TPRX1: variants seen among roughly 807,000 people sequenced by gnomAD.
TPRX1 encodes tetra-peptide repeat homeobox protein 1.
Under a neutral mutation model 8.1 loss-of-function variants are expected in TPRX1, and 2 were observed. The ratio of observed to expected loss-of-function variants is 0.25; its 90% CI spans 0.10 to 0.78. The LOEUF (loss-of-function observed/expected upper bound fraction) is 0.78. TPRX1 is among the 30% of genes least tolerant of loss of function. The probability of loss-of-function intolerance (pLI) is 0.70; values close to 1 mark genes in which losing one functional copy is unlikely to be tolerated. For synonymous variants in TPRX1, 257 were observed against 254.1 expected (o/e 1.01, Z -0.11); for missense variants, 517 against 586.9 (o/e 0.88, Z 1.23).
At chr19:47,809,103 T>G (rs548665873) in intron 2 of TPRX1, among the ~76,000 whole-genome samples, 1 of 152,122 alleles carries the variant, frequency 6.6e-6, no homozygotes. Context: ...CAAATCCCCA[T>G]GTCTGTAATA....
chr19:47,805,608 A>T (rs370712239), intron 2 of TPRX1, among the ~76,000 whole-genome samples: 1 of 152,140 alleles, frequency 6.6e-6, no homozygotes, highest in African/African-American at 2.4e-5. Context: ...AAACGTAGAC[A>T]TTGTTACCAC....
rs769186501 is a variant in TPRX1 at position 47,804,569 on chromosome 19, G to A, written c.152-896C>T. Among the ~76,000 whole-genome samples, 1 of 152,202 alleles carries A rather than the reference G, an allele frequency of 6.6e-6. No individual in the cohort carries two copies. The highest frequency in any genetic ancestry group is 1.5e-5 in the Non-Finnish European group (1 of 68,036). On this transcript the variant is annotated intron_variant, in intron 2 of 3. Coordinates refer to ENST00000535759, the Ensembl canonical transcript of TPRX1. ...AGTCCTGATCTGTTCCCAAACACAAGTGTGTACTGACAAGGGCTTGGCTCT... is the reference window on the plus strand; with the variant it reads ...AGTCCTGATCTGTTCCCAAACACAAATGTGTACTGACAAGGGCTTGGCTCT...
chr19:47,815,114 TTATATA>T lies in TPRX1; in HGVS notation c.151+3348_151+3353del, dbSNP rs548380113. On this transcript the variant is annotated intron_variant, in intron 2 of 3. Coordinates refer to ENST00000535759, the Ensembl canonical transcript of TPRX1. ...GTGCTTAGCTCAATAAATAGATAAA[TTATATA>T]TATATATATATATATATATATATGC... Among the ~76,000 whole-genome samples the T allele has an allele frequency of 1.8e-3, 113 of 63,354 alleles. 3 individuals are homozygous for T. The highest frequency in any genetic ancestry group is 2.6e-3 in the African/African-American group (38 of 14,568). The allele number at this position is 63,354 out of a possible 152,430, so 41.6% of individuals were successfully genotyped here.
intron 2 of TPRX1, among the ~76,000 whole-genome samples, chr19:47,805,075 C>T (rs1160839944): frequency 6.6e-6 from 1 of 152,218 alleles, no homozygotes; most frequent in Non-Finnish European, 1.5e-5. Context: ...CCCTACTATC[C>T]ATTCCAAAAA....
intron 3 of TPRX1, 135 bp from the exon 3 acceptor site, chr19:47,803,115 G>A: frequency 2.9e-6 from 3 of 1,038,160 alleles, no homozygotes; most frequent in Middle Eastern, 3.3e-4. Flanking sequence ...ACCAAAAGAG[G>A]GCCCCGGCTC....
chr19:47,802,297 C>A (rs371001974), exon 4 of TPRX1: 11 of 1,267,970 alleles, frequency 8.7e-6, no homozygotes, highest in Middle Eastern at 2.1e-4. Context: ...GGCCTGGGAT[C>A]GGGCCTGGGT....
At position 47,802,669 on chromosome 19, in the gene TPRX1, A is replaced by T. The variant is rs373664219; in HGVS notation, c.633T>A (p.Pro211=). Residue 211 remains proline, a synonymous_variant, in exon 4 of 4, where the codon CCT becomes CCA. Coordinates refer to ENST00000535759, the Ensembl canonical transcript of TPRX1. ...CTGGAATTGGGCCTGGAATTGAGCC[A>T]GGGAGTGGGCCTGGGATCTGGGCTG... is the stretch of plus-strand genomic sequence containing the variant. The T allele has an allele frequency of 1.4e-4, 219 of 1,529,010 alleles. 1 individual carries two copies. In the African/African-American group the frequency reaches 2.3e-3, roughly 16 times the overall value. 94.7% of individuals were successfully genotyped at this position (1,529,010 alleles called of 1,614,324 possible).
intron 2 of TPRX1, among the ~76,000 whole-genome samples, chr19:47,804,761 G>A (rs1967719668): frequency 6.6e-6 from 1 of 152,218 alleles, no homozygotes; most frequent in Non-Finnish European, 1.5e-5. Context: ...GAACCTCAGT[G>A]GACAACACAG....
intron 3 of TPRX1, among the ~76,000 whole-genome samples, chr19:47,803,215 G>T (rs1274078657): frequency 2.0e-5 from 3 of 150,986 alleles, no homozygotes; most frequent in Non-Finnish European, 4.4e-5. Flanking sequence ...CCGCCCAGGT[G>T]CCCGGGGGGC....
chr19:47,802,527 G>C, exon 4 of TPRX1: 3 of 1,550,382 alleles, frequency 1.9e-6, no homozygotes, highest in Non-Finnish European at 2.6e-6. Flanking sequence ...CCTGGGATCG[G>C]GGCTGGGCCT....
At chr19:47,806,447 G>A (rs981450039) in intron 2 of TPRX1, among the ~76,000 whole-genome samples, 1 of 152,104 alleles carries the variant, frequency 6.6e-6, no homozygotes, top group Non-Finnish European at 1.5e-5. Flanking sequence ...TTGAACCCGG[G>A]AGGCAGAGGT....
chr19:47,812,548 A>G (rs1967793257), intron 2 of TPRX1, among the ~76,000 whole-genome samples: 1 of 151,858 alleles, frequency 6.6e-6, no homozygotes, highest in Non-Finnish European at 1.5e-5. Flanking sequence ...GGCCTGGCCA[A>G]TATGGTGAAA....
At chr19:47,810,993 GT>G (rs71334234) in intron 2 of TPRX1, among the ~76,000 whole-genome samples, 127 of 137,522 alleles carry the variant, frequency 9.2e-4, no homozygotes, top group Middle Eastern at 3.7e-3. Context: ...CTTGCTCTCT[GT>G]TTTTTTTTTT....
intron 2 of TPRX1, among the ~76,000 whole-genome samples, chr19:47,812,226 C>A (rs914836038): frequency 5.3e-5 from 8 of 152,068 alleles, no homozygotes; most frequent in Non-Finnish European, 1.2e-4. Flanking sequence ...CTAGGCACCT[C>A]CAGAGAGTTA....
Position 47,815,155 on chromosome 19 carries a change from TATA to T in TPRX1, c.151+3310_151+3312del, listed in dbSNP as rs1568617434. Among the ~76,000 whole-genome samples the T allele has an allele frequency of 2.8e-3, 245 of 86,772 alleles. 4 individuals are homozygous for T. The highest frequency in any genetic ancestry group is 0.011 in the African/African-American group (220 of 19,992). 56.9% of individuals were successfully genotyped at this position (86,772 alleles called of 152,430 possible). ...ATATATATATATATGCAAATATATA[TATA>T]TATATTTTTTTTTTTTGAGACAGTC... On this transcript the variant is annotated intron_variant, in intron 2 of 3. Coordinates refer to ENST00000535759, the Ensembl canonical transcript of TPRX1.
chr19:47,808,067 C>G (rs1967750464), intron 2 of TPRX1, among the ~76,000 whole-genome samples: 1 of 151,632 alleles, frequency 6.6e-6, no homozygotes, highest in African/African-American at 2.4e-5. Context: ...GTAGGTGGGA[C>G]TACAGGCAAG....
intron 2 of TPRX1, among the ~76,000 whole-genome samples, chr19:47,804,187 T>G (rs949083940): frequency 6.6e-6 from 1 of 150,956 alleles, no homozygotes; most frequent in Non-Finnish European, 1.5e-5. Context: ...CCCGAGTAGC[T>G]GGGACCACAG....
At position 47,811,547 on chromosome 19, in the gene TPRX1, A is replaced by G. The variant is rs538477126; in HGVS notation, c.151+6921T>C. ...AGCGTCTCACTCTGTTGCCCCGGCT[A>G]GAGTACAGTGGCGCGATCTCGGCTC... is the stretch of plus-strand genomic sequence containing the variant. On this transcript the variant is annotated intron_variant, in intron 2 of 3. Transcript: ENST00000535759. Among the ~76,000 whole-genome samples, 8 of 139,888 alleles carry G rather than the reference A, an allele frequency of 5.7e-5. No homozygotes were observed. In the East Asian group the frequency reaches 1.7e-3, roughly 29 times the overall value. The allele number at this position is 139,888 out of a possible 152,430, so 91.8% of individuals were successfully genotyped here. A position where few individuals can be genotyped will look rare whatever the true frequency, so the allele number is the denominator to read the frequency against.
intron 2 of TPRX1, among the ~76,000 whole-genome samples, chr19:47,807,257 G>A (rs1163755723): frequency 2.0e-5 from 3 of 151,976 alleles, no homozygotes; most frequent in Non-Finnish European, 2.9e-5. Flanking sequence ...TTGTTTTGCC[G>A]TGTTGCCCAG....
Sources: allele counts gnomAD v4.1 joint callset (sites outside exome capture counted in the v4.1 genomes callset), GRCh38; gene constraint gnomAD v4.1.1; transcripts MANE v1.5; gene names NCBI Gene and HGNC (gene_info 2026-07-23, HGNC 2026-07-21).